RALYL: variants seen among roughly 807,000 people sequenced by gnomAD.
RALYL encodes the protein RNA-binding Raly-like protein.
Under a neutral mutation model 35.1 loss-of-function variants are expected in RALYL, and 29 were observed. That is an observed-to-expected ratio of 0.83 (90% CI 0.61 to 1.13). RALYL has a LOEUF of 1.13. RALYL is among the 50% of genes most tolerant of loss of function. The pLI is 0.00. For synonymous variants in RALYL, 120 were observed against 127.6 expected (o/e 0.94, Z 0.40); for missense variants, 359 against 360.4 (o/e 1.00, Z 0.03).
At chr8:84,422,385 G>A (rs1294061881) in intron 1 of RALYL, among the ~76,000 whole-genome samples, 89 of 130,974 alleles carry the variant, frequency 6.8e-4, no homozygotes, top group African/African-American at 2.3e-3. Context: ...CTGTGGGATC[G>A]GTGGTGATAT....
chr8:84,376,678 A>C (rs1283484361), intron 1 of RALYL, among the ~76,000 whole-genome samples: 1 of 151,894 alleles, frequency 6.6e-6, no homozygotes. Flanking sequence ...GAGGAGAAAT[A>C]GGCCAAGTCA....
rs138060301 is a variant in RALYL at position 84,583,012 on chromosome 8, T to C, written c.256+53435T>C. ...TCTTGACTTATTTCCTGACTCCATCTATCTATACACTAAGATAGAGCTGCC... is the reference window on the plus strand; with the variant it reads ...TCTTGACTTATTTCCTGACTCCATCCATCTATACACTAAGATAGAGCTGCC... On this transcript the variant is annotated intron_variant, in intron 2 of 8. Transcript: ENST00000521268. Among the ~76,000 whole-genome samples the C allele has an allele frequency of 8.5e-3, 1,297 of 152,290 alleles. 20 individuals carry two copies. Among genetic ancestry groups the C allele is most frequent in the African/African-American group, 0.029 (1,205 of 41,582 alleles).
intron 2 of RALYL, among the ~76,000 whole-genome samples, chr8:84,591,086 G>C (rs1419548980): frequency 6.6e-6 from 1 of 151,996 alleles, no homozygotes; most frequent in African/African-American, 2.4e-5. Context: ...TTGAGTGTAT[G>C]GTGAAATTAA....
chr8:84,496,183 C>T (rs774021008), intron 1 of RALYL, among the ~76,000 whole-genome samples: 7 of 152,110 alleles, frequency 4.6e-5, no homozygotes, highest in Admixed American at 1.3e-4. Flanking sequence ...CACAACTCTA[C>T]TAAATGCTTA....
At chr8:84,721,386 A>C (rs1358908899) in intron 2 of RALYL, among the ~76,000 whole-genome samples, 2 of 152,172 alleles carry the variant, frequency 1.3e-5, no homozygotes, top group Non-Finnish European at 2.9e-5. Context: ...GAATCAACTC[A>C]GTGTTCATCA....
intron 2 of RALYL, among the ~76,000 whole-genome samples, chr8:84,702,464 C>A (rs1564400605): frequency 6.6e-6 from 1 of 151,954 alleles, no homozygotes; most frequent in Non-Finnish European, 1.5e-5. Context: ...TAGAGATACT[C>A]AAGTAACAGA....
chr8:84,541,025 A>C (rs2059984387), intron 2 of RALYL, among the ~76,000 whole-genome samples: 1 of 151,918 alleles, frequency 6.6e-6, no homozygotes, highest in East Asian at 1.9e-4. Context: ...TTTCATTTTA[A>C]GTCAGATTAG....
At chr8:84,242,735 G>C (rs1409519903) in intron 1 of RALYL, among the ~76,000 whole-genome samples, 1 of 152,064 alleles carries the variant, frequency 6.6e-6, no homozygotes, top group East Asian at 1.9e-4. Flanking sequence ...CTGGACATTA[G>C]GCTTTTTTCA....
intron 8 of RALYL, among the ~76,000 whole-genome samples, chr8:84,894,295 G>A (rs188746900): frequency 1.3e-5 from 2 of 152,264 alleles, no homozygotes; most frequent in Admixed American, 1.3e-4. Flanking sequence ...ATGCTGGCTA[G>A]AGGACAAACA....
chr8:84,650,590 G>A (rs1262526012), intron 2 of RALYL, among the ~76,000 whole-genome samples: 1 of 152,076 alleles, frequency 6.6e-6, no homozygotes, highest in Non-Finnish European at 1.5e-5. Flanking sequence ...TGGAGAGGAT[G>A]TGGAGAAATA....
rs527682707 is a variant in RALYL, at chr8:84,456,524, A to T, written c.-23-72775A>T. Among the ~76,000 whole-genome samples, 4 of 152,118 alleles carry T rather than the reference A, an allele frequency of 2.6e-5. No homozygotes were observed. The South Asian group carries it at 6.2e-4, about 24-fold the overall frequency. ...ATTATATTATTGAAGGTACTGGATA[A>T]TTGAGCTTGCTTCTAAAGAAAAAAA... On this transcript the variant is annotated intron_variant, in intron 1 of 8. Coordinates refer to ENST00000521268, the MANE Select transcript of RALYL (RefSeq NM_173848.7).
At chr8:84,735,792 C>A (rs1395710707) in intron 2 of RALYL, among the ~76,000 whole-genome samples, 1 of 146,064 alleles carries the variant, frequency 6.8e-6, no homozygotes. Context: ...TGCCCCATTC[C>A]TTAAGATCAT....
intron 1 of RALYL, among the ~76,000 whole-genome samples, chr8:84,302,428 T>A (rs1334791686): frequency 6.6e-6 from 1 of 152,178 alleles, no homozygotes; most frequent in African/African-American, 2.4e-5. Flanking sequence ...TAAGCTGTAG[T>A]TTATTCTAGT....
chr8:84,449,445 C>T (rs779205504), intron 1 of RALYL, among the ~76,000 whole-genome samples: 3 of 151,972 alleles, frequency 2.0e-5, no homozygotes, highest in Non-Finnish European at 4.4e-5. Flanking sequence ...TGTATTGTGC[C>T]TTCCACCTTA....
chr8:84,855,642 G>GT (rs1836810351), intron 5 of RALYL, among the ~76,000 whole-genome samples: 1 of 152,202 alleles, frequency 6.6e-6, no homozygotes, highest in East Asian at 1.9e-4. Flanking sequence ...TACATTAAAC[G>GT]TAAGTATTTA....
At chr8:84,427,576 A>C (rs927472182) in intron 1 of RALYL, among the ~76,000 whole-genome samples, 5 of 152,080 alleles carry the variant, frequency 3.3e-5, no homozygotes, top group African/African-American at 9.7e-5. Context: ...GTTCTTTAGT[A>C]TCATTTTTTA....
chr8:84,525,746 A>G (rs2134823124), intron 1 of RALYL, among the ~76,000 whole-genome samples: 1 of 152,044 alleles, frequency 6.6e-6, no homozygotes, highest in East Asian at 1.9e-4. Context: ...CTGCAGTTTC[A>G]TCACCATTCA....
chr8:84,884,632 G>GA lies in RALYL; in HGVS notation c.686-2969dup, dbSNP rs533201055. Among the ~76,000 whole-genome samples the GA allele has an allele frequency of 1.9e-3, 284 of 152,100 alleles. 3 individuals are homozygous for GA. Among genetic ancestry groups the GA allele is most frequent in the African/African-American group, 6.7e-3 (278 of 41,526 alleles). Reference sequence around the variant, plus strand: ...AAATATTTCTGGAATCATTAGAGAAGAAATGGATATACTAGGCCAATTGAA... The same window carrying GA: ...AAATATTTCTGGAATCATTAGAGAAGAAAATGGATATACTAGGCCAATTGAA... On this transcript the variant is annotated intron_variant, in intron 7 of 8. Coordinates refer to ENST00000521268, the MANE Select transcript of RALYL (RefSeq NM_173848.7).
chr8:84,452,292 G>C (rs2049576230), intron 1 of RALYL, among the ~76,000 whole-genome samples: 1 of 136,008 alleles, frequency 7.4e-6, no homozygotes, highest in Non-Finnish European at 1.6e-5. Flanking sequence ...TGTGCTGTCA[G>C]AGTTTGAGGC....
Sources: gnomAD v4.1 joint callset for allele counts (sites outside exome capture counted in the v4.1 genomes callset) on GRCh38, gnomAD v4.1.1 for gene constraint, MANE v1.5 for transcripts, NCBI Gene and HGNC (gene_info 2026-07-23, HGNC 2026-07-21) for gene names.